The following ASRGL1 variants were observed in gnomAD, a reference collection of about 807,000 sequenced individuals.
The protein encoded by ASRGL1 is asparaginase and isoaspartyl peptidase 1, also known as isoaspartyl peptidase/L-asparaginase.
Under a neutral mutation model 22.4 loss-of-function variants are expected in ASRGL1, and 16 were observed. The observed-to-expected ratio is 0.71, with a 90% CI of 0.48 to 1.08. The LOEUF is 1.08. Among genes scored for constraint, ASRGL1 ranks in the 50% least tolerant of loss-of-function variants. The pLI is 0.00. For synonymous variants in ASRGL1, 165 were observed against 159.3 expected (o/e 1.04, Z -0.27); for missense variants, 412 against 410.1 (o/e 1.00, Z -0.04).
intron 4 of ASRGL1, among the ~76,000 whole-genome samples, chr11:62,378,193 T>A (rs1471000933): frequency 6.6e-6 from 1 of 152,180 alleles, no homozygotes; most frequent in Non-Finnish European, 1.5e-5. Context: ...TAGCTTAATT[T>A]TTCTATATTC....
intron 2 of ASRGL1, among the ~76,000 whole-genome samples, chr11:62,340,154 C>T (rs1316063212): frequency 1.3e-5 from 2 of 151,968 alleles, no homozygotes; most frequent in Non-Finnish European, 2.9e-5. Context: ...CTGTAGCCGC[C>T]GCTACTCAGG....
At chr11:62,380,398 A>G (rs1168941415) in intron 4 of ASRGL1, among the ~76,000 whole-genome samples, 1 of 152,182 alleles carries the variant, frequency 6.6e-6, no homozygotes, top group East Asian at 1.9e-4. Context: ...AATGAGGGGC[A>G]GGTGGTTCCT....
At chr11:62,396,928 ATC>A (rs961470433), downstream of ASRGL1, among the ~76,000 whole-genome samples, 2 of 152,274 alleles carry the variant, frequency 1.3e-5, no homozygotes, top group South Asian at 2.1e-4. Flanking sequence ...TTCCTGTCCT[ATC>A]TCTGTAATAC....
chr11:62,362,047 T>G (rs1946447002), intron 4 of ASRGL1, among the ~76,000 whole-genome samples: 1 of 152,118 alleles, frequency 6.6e-6, no homozygotes, highest in Admixed American at 6.5e-5. Context: ...AAATGAGAGA[T>G]GTACAAGCAA....
At chr11:62,366,782 A>G (rs1458281577) in intron 4 of ASRGL1, among the ~76,000 whole-genome samples, 3 of 152,214 alleles carry the variant, frequency 2.0e-5, no homozygotes, top group Non-Finnish European at 2.9e-5. Flanking sequence ...AGTAGCAGGA[A>G]CTACAGGTAC....
intron 4 of ASRGL1, among the ~76,000 whole-genome samples, chr11:62,363,094 CG>C (rs1946523493): frequency 6.7e-6 from 1 of 149,670 alleles, no homozygotes. Flanking sequence ...CCACCACGCC[CG>C]GCTAATTTTT....
At chr11:62,338,583 C>G (rs990165687) in intron 2 of ASRGL1, among the ~76,000 whole-genome samples, 1 of 152,102 alleles carries the variant, frequency 6.6e-6, no homozygotes, top group East Asian at 1.9e-4. Flanking sequence ...TGTCCAAACA[C>G]CTGGAATCCA....
chr11:62,368,104 C>T (rs1376523495), intron 4 of ASRGL1, among the ~76,000 whole-genome samples: 4 of 152,114 alleles, frequency 2.6e-5, no homozygotes, highest in African/African-American at 9.7e-5. Context: ...CACACTCAAC[C>T]GCGGTCTGAT....
At chr11:62,371,316 C>CGG in intron 4 of ASRGL1, 1 of 1,351,518 alleles carries the variant, frequency 7.4e-7, no homozygotes, top group Non-Finnish European at 9.8e-7. Context: ...TGGAGCTCGA[C>CGG]GGGGCCCCCG....
intron 2 of ASRGL1, among the ~76,000 whole-genome samples, chr11:62,341,569 CTG>C (rs1252610578): frequency 6.6e-6 from 1 of 152,090 alleles, no homozygotes; most frequent in Non-Finnish European, 1.5e-5. Context: ...AGGTAAAAAT[CTG>C]TAGTGGGGTC....
In ASRGL1 at chr11:62,364,247, G is replaced by GTC. The variant is rs1421047310; in HGVS notation, c.491+7104_491+7105insCT. Among the ~76,000 whole-genome samples the GTC allele has an allele frequency of 7.5e-4, 113 of 150,580 alleles. No individual in the cohort carries two copies. The East Asian group carries it at 7.6e-3, about 10-fold the overall frequency. On this transcript the variant is annotated intron_variant, in intron 4 of 6. Transcript: ENST00000415229. ...AATAAATACATAATTTATTAAATGT[G>GTC]TGTGTGTGCGCGTGCATGTGTGCGT...
chr11:62,350,750 C>G (rs1312324550), intron 2 of ASRGL1, among the ~76,000 whole-genome samples: 1 of 152,162 alleles, frequency 6.6e-6, no homozygotes, highest in African/African-American at 2.4e-5. Context: ...GAGCCAAGAT[C>G]ATACCACTGC....
chr11:62,386,601 G>A (rs528175919), intron 4 of ASRGL1, among the ~76,000 whole-genome samples: 8 of 150,788 alleles, frequency 5.3e-5, no homozygotes, highest in African/African-American at 1.9e-4. Context: ...CAAATAAGGG[G>A]GGACTACTGT....
At chr11:62,388,905 T>G (rs960257786) in intron 4 of ASRGL1, among the ~76,000 whole-genome samples, 1 of 151,942 alleles carries the variant, frequency 6.6e-6, no homozygotes, top group Admixed American at 6.6e-5. Flanking sequence ...AACGGTGGTG[T>G]TGGGATTGGA....
At chr11:62,340,277 A>G (rs956395812) in intron 2 of ASRGL1, among the ~76,000 whole-genome samples, 4 of 152,164 alleles carry the variant, frequency 2.6e-5, no homozygotes, top group Non-Finnish European at 5.9e-5. Context: ...CTCTGAAAAT[A>G]AAATTAAGTT....
At chr11:62,361,722 G>A (rs902226112) in intron 4 of ASRGL1, among the ~76,000 whole-genome samples, 68 of 151,942 alleles carry the variant, frequency 4.5e-4, no homozygotes, top group African/African-American at 1.4e-3. Context: ...TCCTGACCTC[G>A]TGATCTGCCT....
chr11:62,368,066 G>C (rs1168522852), intron 4 of ASRGL1, among the ~76,000 whole-genome samples: 1 of 152,078 alleles, frequency 6.6e-6, no homozygotes, highest in African/African-American at 2.4e-5. Context: ...CCCTATCTGC[G>C]GTTTCACTTT....
intron 2 of ASRGL1, among the ~76,000 whole-genome samples, chr11:62,341,730 T>C (rs1173176306): frequency 1.3e-5 from 2 of 152,186 alleles, no homozygotes; most frequent in Non-Finnish European, 2.9e-5. Context: ...AAGATCCCCT[T>C]TTTAGTATAC....
chr11:62,369,054 A>G (rs1296073174), intron 4 of ASRGL1, among the ~76,000 whole-genome samples: 1 of 151,960 alleles, frequency 6.6e-6, no homozygotes, highest in Non-Finnish European at 1.5e-5. Context: ...AGGCTGGGGG[A>G]CGGTCAGGTC....
Sources: allele counts gnomAD v4.1 joint callset (sites outside exome capture counted in the v4.1 genomes callset), GRCh38; gene constraint gnomAD v4.1.1; transcripts MANE v1.5; gene names NCBI Gene and HGNC (gene_info 2026-07-23, HGNC 2026-07-21).